CA10: variants seen among roughly 807,000 people sequenced by gnomAD.
CA10 encodes the protein carbonic anhydrase 10 (inactive), also known as carbonic anhydrase-related protein 10.
CA10 carries 14 observed loss-of-function variants against 44.2 expected under a neutral mutation model. The observed-to-expected ratio is 0.32, with a 90% CI of 0.21 to 0.50. The LOEUF (loss-of-function observed/expected upper bound fraction) is 0.50, where lower values mean the gene tolerates loss of function less well. Ranked by LOEUF, CA10 falls within the 20% of genes least tolerant of loss-of-function variation. The probability of loss-of-function intolerance (pLI) is 0.99; values close to 1 mark genes in which losing one functional copy is unlikely to be tolerated. For synonymous variants in CA10, 159 were observed against 141.6 expected, an observed-to-expected ratio of 1.12 and a Z score of -0.87; for missense variants, 350 against 409.7, an observed-to-expected ratio of 0.85 and a Z score of 1.26.
chr17:51,719,551 C>T (rs1916284229), intron 4 of CA10, among the ~76,000 whole-genome samples: 1 of 152,166 alleles, frequency 6.6e-6, no homozygotes, highest in Non-Finnish European at 1.5e-5. Context: ...CATCAGATAT[C>T]TTTCATTCAT....
At chr17:51,794,165 C>G (rs969138795) in intron 3 of CA10, among the ~76,000 whole-genome samples, 4 of 152,210 alleles carry the variant, frequency 2.6e-5, no homozygotes, top group Non-Finnish European at 4.4e-5. Flanking sequence ...CCTTGAATTT[C>G]TTGAATATCA....
At chr17:51,719,897 C>G (rs116954868) in intron 4 of CA10, among the ~76,000 whole-genome samples, 2,318 of 152,062 alleles carry the variant, frequency 0.015, 68 homozygotes, top group Non-Finnish European at 0.016. Flanking sequence ...AAAAACAAAA[C>G]AAAACAAAAA....
At chr17:51,784,598 G>T (rs777266907) in intron 3 of CA10, among the ~76,000 whole-genome samples, 1 of 152,132 alleles carries the variant, frequency 6.6e-6, no homozygotes, top group African/African-American at 2.4e-5. Flanking sequence ...ACACATTAGT[G>T]AGAACATGCC....
intron 2 of CA10, among the ~76,000 whole-genome samples, chr17:51,992,010 A>G (rs203034): frequency 0.99 from 150,049 of 152,084 alleles, 74,047 homozygotes; most frequent in East Asian, 1. Flanking sequence ...CTAACATACC[A>G]AGAAGTAAAA....
chr17:51,821,063 CTCTCCCTT>C (rs1907771837), intron 3 of CA10, among the ~76,000 whole-genome samples: 5 of 83,000 alleles, frequency 6.0e-5, no homozygotes, highest in African/African-American at 1.9e-4. Flanking sequence ...CTCCCTCCCT[CTCTCCCTT>C]CCTTCCTCCC....
At chr17:51,746,290 G>A (rs1904685102) in intron 4 of CA10, among the ~76,000 whole-genome samples, 1 of 152,164 alleles carries the variant, frequency 6.6e-6, no homozygotes, top group Admixed American at 6.5e-5. Context: ...ATCAATCATT[G>A]AGTACTTTCA....
chr17:51,883,164 G>A (rs1980450640), intron 3 of CA10, among the ~76,000 whole-genome samples: 7 of 152,044 alleles, frequency 4.6e-5, no homozygotes, highest in Admixed American at 4.6e-4. Flanking sequence ...ATTTTATTTT[G>A]ACAGGGTTAA....
chr17:52,058,870 G>A (rs559206543), intron 2 of CA10, among the ~76,000 whole-genome samples: 1 of 152,194 alleles, frequency 6.6e-6, no homozygotes, highest in South Asian at 2.1e-4. Flanking sequence ...TAATTTGCAT[G>A]TCTGTCTCTA....
At chr17:52,059,799 C>G (rs1182441052) in intron 2 of CA10, among the ~76,000 whole-genome samples, 5 of 152,244 alleles carry the variant, frequency 3.3e-5, no homozygotes, top group South Asian at 4.1e-4. Flanking sequence ...CATTAAAATG[C>G]AAGTTTTATT....
intron 3 of CA10, among the ~76,000 whole-genome samples, chr17:51,791,761 T>C (rs1906525634): frequency 6.6e-6 from 1 of 152,220 alleles, no homozygotes; most frequent in African/African-American, 2.4e-5. Flanking sequence ...CCTAAGTGAA[T>C]GTTCTATTTT....
intron 1 of CA10, among the ~76,000 whole-genome samples, chr17:52,122,572 T>C (rs889766208): frequency 6.6e-6 from 1 of 152,194 alleles, no homozygotes; most frequent in Non-Finnish European, 1.5e-5. Context: ...TGCTTATCCC[T>C]GCCCTGCTCC....
intron 3 of CA10, among the ~76,000 whole-genome samples, chr17:51,827,011 T>G (rs1908032674): frequency 6.6e-6 from 1 of 152,180 alleles, no homozygotes; most frequent in South Asian, 2.1e-4. Flanking sequence ...CATTTCCTAC[T>G]GGGACCCTCA....
At chr17:52,017,225 C>A (rs1450767432) in intron 2 of CA10, among the ~76,000 whole-genome samples, 1 of 152,122 alleles carries the variant, frequency 6.6e-6, no homozygotes, top group African/African-American at 2.4e-5. Context: ...AATGTGGAAG[C>A]AGCTTTGGGA....
chr17:51,991,887 C>T lies in CA10; in HGVS notation c.137-60755G>A, dbSNP rs146118369. Among the ~76,000 whole-genome samples the T allele has an allele frequency of 1.3e-3, 200 of 152,188 alleles. 1 individual carries two copies. The highest frequency in any genetic ancestry group is 4.5e-3 in the African/African-American group (186 of 41,556). ...GGAAAACTTTCCATAACCACCCCTC[C>T]TCTGCCCACTCCAGCTCTGCCCTCT... is the stretch of plus-strand genomic sequence containing the variant. On this transcript the variant is annotated intron_variant, in intron 2 of 8. Transcript: ENST00000451037.
intron 2 of CA10, among the ~76,000 whole-genome samples, chr17:51,972,807 C>T (rs920757201): frequency 2.0e-5 from 3 of 151,208 alleles, no homozygotes; most frequent in Non-Finnish European, 4.4e-5. Flanking sequence ...AAACCAAAAA[C>T]TTAGTAAGCA....
chr17:51,633,337 C>A (rs769214416), intron 8 of CA10, 139 bp downstream of exon 8: 11 of 832,758 alleles, frequency 1.3e-5, no homozygotes, highest in Non-Finnish European at 2.0e-5. Flanking sequence ...CATCACCATG[C>A]AAATGGAGTG....
intron 2 of CA10, among the ~76,000 whole-genome samples, chr17:51,965,803 G>C: frequency 6.6e-6 from 1 of 151,372 alleles, no homozygotes; most frequent in Non-Finnish European, 1.5e-5. Context: ...TTAGAACTGG[G>C]ATAAAACAAG....
At chr17:51,770,122 GT>G (rs11358565) in intron 3 of CA10, among the ~76,000 whole-genome samples, 91,421 of 146,734 alleles carry the variant, frequency 0.62, 28,518 homozygotes, top group East Asian at 0.77. Flanking sequence ...AGCCTCTGTA[GT>G]TTTTTTTTTT....
chr17:51,920,009 T>C (rs1168368436), intron 3 of CA10, among the ~76,000 whole-genome samples: 4 of 152,202 alleles, frequency 2.6e-5, no homozygotes, highest in Non-Finnish European at 5.9e-5. Context: ...AGTGGTATGA[T>C]GTGATGGCTA....
Sources: gnomAD v4.1 joint callset for allele counts (sites outside exome capture counted in the v4.1 genomes callset) on GRCh38, gnomAD v4.1.1 for gene constraint, MANE v1.5 for transcripts, NCBI Gene and HGNC (gene_info 2026-07-23, HGNC 2026-07-21) for gene names.